Variants in SELENOI observed in about 807,000 individuals in gnomAD.
The protein encoded by SELENOI is selenoprotein I, also known as ethanolaminephosphotransferase 1.
In SELENOI, 24 loss-of-function variants were observed where a neutral mutation model predicts 50.7. The ratio of observed to expected loss-of-function variants is 0.47; its 90% CI spans 0.34 to 0.67. SELENOI has a LOEUF of 0.67. Ranked by LOEUF, SELENOI falls within the 30% of genes least tolerant of loss-of-function variation. The pLI is 0.01. For synonymous variants in SELENOI, 155 were observed against 170.2 expected, an observed-to-expected ratio of 0.91 and a Z score of 0.70; for missense variants, 352 against 461.4, an observed-to-expected ratio of 0.76 and a Z score of 2.17.
intron 4 of SELENOI, 40 bp downstream of exon 4, chr2:26,367,260 T>C (rs1206308461): frequency 6.7e-7 from 1 of 1,497,188 alleles, no homozygotes; most frequent in South Asian, 1.2e-5. Flanking sequence ...CAGTGACTGG[T>C]GAATCAGCAA....
rs1451341770 is a variant in SELENOI, at chr2:26,388,988, G to A, written c.1096-17G>A. On this transcript the variant is annotated splice_polypyrimidine_tract_variant and intron_variant, in intron 9 of 9. Transcript: ENST00000260585. Reference sequence around the variant, plus strand: ...AGGTACATATTTGTCACTGTCTCATGTTCTGATTTTTCATAGGTAAAGCAG... The same window carrying A: ...AGGTACATATTTGTCACTGTCTCATATTCTGATTTTTCATAGGTAAAGCAG... 6.4e-7 allele frequency: 1 copy of A among 1,552,312 alleles called. No individual in the cohort carries two copies. The highest frequency in any genetic ancestry group is 1.9e-5 in the Admixed American group (1 of 53,274).
At chr2:26,383,414 G>A (rs1677751039) in intron 7 of SELENOI, 67 bp downstream of exon 7, 1 of 1,148,508 alleles carries the variant, frequency 8.7e-7, no homozygotes, top group African/African-American at 1.6e-5. Context: ...GCTGAACTTA[G>A]GGATCTATTT....
At chr2:26,359,983 C>A (rs1677141453) in intron 1 of SELENOI, among the ~76,000 whole-genome samples, 1 of 152,158 alleles carries the variant, frequency 6.6e-6, no homozygotes, top group African/African-American at 2.4e-5. Context: ...TTTGAGGGCT[C>A]TAGCTTACCC....
chr2:26,381,628 G>A (rs1677704787), intron 6 of SELENOI, among the ~76,000 whole-genome samples: 1 of 152,060 alleles, frequency 6.6e-6, no homozygotes, highest in African/African-American at 2.4e-5. Flanking sequence ...TTTAGCCTTG[G>A]CTCCCCTTTG....
intron 6 of SELENOI, 142 bp from the exon 7 acceptor site, chr2:26,383,157 T>C: frequency 1.9e-6 from 1 of 531,864 alleles, no homozygotes; most frequent in Non-Finnish European, 3.3e-6. Flanking sequence ...AAATGTTGTT[T>C]ATAAATGTAT....
intron 2 of SELENOI, 103 bp downstream of exon 2, chr2:26,364,473 T>C: frequency 2.6e-6 from 2 of 764,356 alleles, no homozygotes; most frequent in Non-Finnish European, 4.2e-6. Context: ...TCATAAGATA[T>C]TTAGAGAAAC....
intron 6 of SELENOI, among the ~76,000 whole-genome samples, chr2:26,382,825 TAAA>T (rs1038628120): frequency 7.3e-6 from 1 of 136,180 alleles, no homozygotes. Context: ...CCTGTTTCCA[TAAA>T]AAAAAAAAAG....
chr2:26,365,590 T>C (rs762410865), intron 3 of SELENOI, among the ~76,000 whole-genome samples: 7 of 152,148 alleles, frequency 4.6e-5, no homozygotes, highest in Admixed American at 6.5e-5. Flanking sequence ...TTGAGAGGAA[T>C]AGAAAGTTGG....
At chr2:26,386,623 A>C in intron 9 of SELENOI, 87 bp downstream of exon 9, 1 of 1,179,498 alleles carries the variant, frequency 8.5e-7, no homozygotes, top group Non-Finnish European at 1.1e-6. Flanking sequence ...GGCAATGGAA[A>C]ATTTTAAAAA....
chr2:26,349,932 C>CAAAAAAAAA (rs70950184), intron 1 of SELENOI, among the ~76,000 whole-genome samples: 1 of 55,286 alleles, frequency 1.8e-5, no homozygotes, highest in African/African-American at 8.3e-5. Context: ...CTCATCTCCA[C>CAAAAAAAAA]AAAAAAAAAA....
Position 26,375,700 on chromosome 2 carries a change from C to T in SELENOI, c.682+552C>T, listed in dbSNP as rs1469462303. 2.6e-5 allele frequency among the ~76,000 whole-genome samples: 4 copies of T among 151,956 alleles called. No individual in the cohort carries two copies. In the South Asian group the frequency reaches 8.3e-4, roughly 31 times the overall value. On this transcript the variant is annotated intron_variant, in intron 6 of 9. Transcript: ENST00000260585. ...TGGAGAGGGTATTAGTGGTATGGAA[C>T]GAGTGTAAAGAGAAATCTAGATGGT...
intron 9 of SELENOI, among the ~76,000 whole-genome samples, chr2:26,386,849 C>T (rs1381048220): frequency 2.6e-5 from 4 of 151,964 alleles, no homozygotes; most frequent in African/African-American, 9.7e-5. Context: ...GTAAACTGAG[C>T]CTTTAGTTAT....
At chr2:26,367,283 A>AT (rs1346395878) in intron 4 of SELENOI, 63 bp downstream of exon 4, 1 of 1,279,340 alleles carries the variant, frequency 7.8e-7, no homozygotes, top group Middle Eastern at 1.9e-4. Flanking sequence ...ATAGCCACGT[A>AT]TTAAAATAAC....
At chr2:26,367,413 A>C (rs1677309495) in intron 4 of SELENOI, among the ~76,000 whole-genome samples, 193 bp downstream of exon 4, 1 of 152,228 alleles carries the variant, frequency 6.6e-6, no homozygotes, top group Non-Finnish European at 1.5e-5. Context: ...GGATTCACAG[A>C]ATAAGATAAG....
At chr2:26,363,256 C>G (rs1192401302) in intron 1 of SELENOI, among the ~76,000 whole-genome samples, 1 of 152,180 alleles carries the variant, frequency 6.6e-6, no homozygotes, top group Non-Finnish European at 1.5e-5. Flanking sequence ...TTATGACAAT[C>G]CCTTGAGGTA....
intron 6 of SELENOI, among the ~76,000 whole-genome samples, chr2:26,382,182 A>C (rs1284502698): frequency 6.6e-6 from 1 of 152,248 alleles, no homozygotes; most frequent in African/African-American, 2.4e-5. Context: ...CCATAATTAG[A>C]TATTGCAGTC....
intron 6 of SELENOI, among the ~76,000 whole-genome samples, chr2:26,376,074 A>G (rs1677560764): frequency 6.6e-6 from 1 of 150,440 alleles, no homozygotes; most frequent in African/African-American, 2.4e-5. Context: ...CCTGGGTGAC[A>G]GAGCGAGACC....
intron 1 of SELENOI, among the ~76,000 whole-genome samples, chr2:26,357,265 C>G (rs1677083663): frequency 6.6e-6 from 1 of 152,192 alleles, no homozygotes; most frequent in Admixed American, 6.5e-5. Flanking sequence ...TAGCCTTCCA[C>G]TCACTACTGT....
At position 26,392,064 on chromosome 2, in the gene SELENOI, G is replaced by A. The variant is rs747628764; in HGVS notation, c.*2961G>A. ...AAAAGAAAGCTAAATGCTGATTGTGGTTTAGGATGTTACAGTACTAATACC... is the reference window on the plus strand; with the variant it reads ...AAAAGAAAGCTAAATGCTGATTGTGATTTAGGATGTTACAGTACTAATACC... On this transcript the variant is annotated 3_prime_UTR_variant, in exon 10 of 10. Coordinates refer to ENST00000260585, the MANE Select transcript of SELENOI (RefSeq NM_033505.4). The A allele has an allele frequency of 1.3e-5, 2 of 152,120 alleles. No homozygotes were observed. Among genetic ancestry groups the A allele is most frequent in the Non-Finnish European group, 2.9e-5 (2 of 68,030 alleles). 9.4% of individuals were successfully genotyped at this position (152,120 alleles called of 1,614,324 possible).
Sources: gnomAD v4.1 joint callset for allele counts (sites outside exome capture counted in the v4.1 genomes callset) on GRCh38, gnomAD v4.1.1 for gene constraint, MANE v1.5 for transcripts, NCBI Gene and HGNC (gene_info 2026-07-23, HGNC 2026-07-21) for gene names.